The following PKHD1L1 variants were observed in gnomAD, a reference collection of about 807,000 sequenced individuals.
The protein encoded by PKHD1L1 is PKHD1 like 1.
A neutral mutation model predicts 462.9 loss-of-function variants in PKHD1L1; 434 were observed. That is an observed-to-expected ratio of 0.94 (90% CI 0.87 to 1.02). The LOEUF (loss-of-function observed/expected upper bound fraction) is 1.02. Among genes scored for constraint, PKHD1L1 ranks in the 50% least tolerant of loss-of-function variants. PKHD1L1 has a pLI of 0.00. For synonymous variants in PKHD1L1, 1,781 were observed against 1,750.0 expected (o/e 1.02, Z -0.44); for missense variants, 5,202 against 5,096.1 (o/e 1.02, Z -0.63).
At chr8:109,425,918 T>C (rs144390919) in intron 24 of PKHD1L1, among the ~76,000 whole-genome samples, 70 of 152,230 alleles carry the variant, frequency 4.6e-4, no homozygotes, top group Non-Finnish European at 5.2e-4. Flanking sequence ...CCTGGTTTTG[T>C]TTTCTTTCTA....
chr8:109,447,948 T>C (rs766936070), intron 38 of PKHD1L1, among the ~76,000 whole-genome samples, 195 bp from the exon 39 acceptor site: 14 of 152,320 alleles, frequency 9.2e-5, no homozygotes, highest in Non-Finnish European at 1.5e-4. Flanking sequence ...AAATCACTTA[T>C]AATTAATATA....
In PKHD1L1 at chr8:109,523,243, T is replaced by C. The variant is rs1483303527; in HGVS notation, c.12341T>C (p.Val4114Ala). The C allele has an allele frequency of 3.1e-6, 5 of 1,607,162 alleles. No individual in the cohort carries two copies. The highest frequency in any genetic ancestry group is 4.3e-6 in the Non-Finnish European group (5 of 1,175,180). Reference protein sequence around the residue: ...VKATDSDGNCVSVGITALTLR... With the variant: ...VKATDSDGNCASVGITALTLR... ...TTTTTTTTTTTTTAGGGTAACTGTG[T>C]ATCAGTTGGAATTACTGCACTAACT... Residue 4114 changes from valine to alanine, a missense_variant, in exon 76 of 78, where the codon GTA becomes GCA. Val to Ala is a moderately conservative substitution (Grantham distance 64). Coordinates refer to ENST00000378402, the MANE Select transcript of PKHD1L1 (RefSeq NM_177531.6).
At chr8:109,416,974 C>T (rs1814207092) in intron 21 of PKHD1L1, among the ~76,000 whole-genome samples, 1 of 152,156 alleles carries the variant, frequency 6.6e-6, no homozygotes, top group Admixed American at 6.5e-5. Flanking sequence ...GATTTTGGAA[C>T]ATTTTATTGA....
Position 109,362,626 on chromosome 8 carries a change from C to T in PKHD1L1, c.46C>T (p.Leu16Phe), listed in dbSNP as rs761774486. The T allele has an allele frequency of 1.6e-5, 25 of 1,608,174 alleles. No individual in the cohort carries two copies. The South Asian group carries it at 2.8e-4, about 18-fold the overall frequency. Residue 16 changes from leucine to phenylalanine, a missense_variant, in exon 1 of 78, where the codon CTC becomes TTC. Coordinates refer to ENST00000378402, the MANE Select transcript of PKHD1L1 (RefSeq NM_177531.6). ...GGGTATTTGGGGCCTCTGTGGGCTG[C>T]TCCTGTGTGCCGCGGATCCCAGCAC... ...LLGIWGLCGL[L>F]LCAADPSTDG...
rs761241562 is a variant in PKHD1L1 at position 109,464,521 on chromosome 8, G to A, written c.7689G>A (p.Trp2563Ter). Residue 2563 changes from tryptophan to a stop codon, truncating the protein, a stop_gained, in exon 49 of 78, where the codon TGG becomes TGA. Transcript: ENST00000378402. LOFTEE classifies it high-confidence loss of function. ...ATGATGTGACCCCGGCTGCATTTTGGGTCACCAACCCGAACAATACCATAC... is the reference window on the plus strand; with the variant it reads ...ATGATGTGACCCCGGCTGCATTTTGAGTCACCAACCCGAACAATACCATAC... ...LNDDVTPAAFWVTNPNNTIRH... is the reference protein window; with the variant it reads ...LNDDVTPAAF 1 of 1,613,642 alleles carries A rather than the reference G, an allele frequency of 6.2e-7. No individual in the cohort carries two copies. Among genetic ancestry groups the A allele is most frequent in the South Asian group, 1.1e-5 (1 of 91,080 alleles).
At position 109,452,701 on chromosome 8, in the gene PKHD1L1, C is replaced by T; in HGVS notation, c.6508-17C>T. On this transcript the variant is annotated splice_polypyrimidine_tract_variant and intron_variant, in intron 42 of 77. Coordinates refer to ENST00000378402, the MANE Select transcript of PKHD1L1 (RefSeq NM_177531.6). Reference sequence around the variant, plus strand: ...GTAAAATCCCTAAATTTTAAGGTCTCTTATGTTCTATTACAGGATAATGCT... The same window carrying T: ...GTAAAATCCCTAAATTTTAAGGTCTTTTATGTTCTATTACAGGATAATGCT... The T allele has an allele frequency of 6.9e-7, 1 of 1,456,822 alleles. No individual in the cohort carries two copies. The highest frequency in any genetic ancestry group is 9.0e-7 in the Non-Finnish European group (1 of 1,108,490). 90.2% of individuals were successfully genotyped at this position (1,456,822 alleles called of 1,614,324 possible).
At position 109,420,535 on chromosome 8, in the gene PKHD1L1, C is replaced by T. The variant is rs373757518; in HGVS notation, c.2542C>T (p.Leu848Phe). ...TTCTTTAGAAATGCCCAAGAGAAGA[C>T]TTCCTGCATTAGCAAATAAAGGAAT... ...STLDEMPKRR[L>F]PALANKGIFL... is the part of the protein sequence containing the mutation. Residue 848 changes from leucine (L) to phenylalanine (F), a missense_variant, in exon 23 of 78, where the codon CTT (leucine) becomes TTT (phenylalanine). Physicochemically the swap from Leu to Phe is conservative, Grantham distance 22 (BLOSUM62 0). Around this residue, in one of 3 missense-constraint regions of PKHD1L1, gnomAD observed 4,497 missense variants for 4,336.8 expected, o/e 1.04. Coordinates refer to ENST00000378402, the MANE Select transcript of PKHD1L1 (RefSeq NM_177531.6). 7 of 1,592,884 alleles carry T rather than the reference C, an allele frequency of 4.4e-6. No individual in the cohort carries two copies. The highest frequency in any genetic ancestry group is 4.3e-6 in the Non-Finnish European group (5 of 1,172,042).
chr8:109,435,167 C>T, intron 28 of PKHD1L1, 23 bp from the exon 29 acceptor site: 1 of 1,610,542 alleles, frequency 6.2e-7, no homozygotes, highest in Non-Finnish European at 8.5e-7. Context: ...CCATTTTCTT[C>T]ATCTTTTTCT....
At chr8:109,517,694 GT>G (rs144208443) in intron 72 of PKHD1L1, among the ~76,000 whole-genome samples, 7,294 of 152,116 alleles carry the variant, frequency 0.048, 424 homozygotes, top group African/African-American at 0.13. Context: ...TTATTACACA[GT>G]TTTGTCCTTA....
intron 45 of PKHD1L1, among the ~76,000 whole-genome samples, chr8:109,455,713 T>A (rs961737808): frequency 1.3e-5 from 2 of 152,170 alleles, no homozygotes; most frequent in Admixed American, 1.3e-4. Context: ...CAGGGCAACA[T>A]ACTATTTAAA....
At chr8:109,410,848 T>A (rs1189254620) in intron 19 of PKHD1L1, among the ~76,000 whole-genome samples, 2 of 150,398 alleles carry the variant, frequency 1.3e-5, no homozygotes, top group African/African-American at 4.9e-5. Flanking sequence ...CCTGCCTCAG[T>A]CTCCCGAGTA....
At chr8:109,386,267 C>T (rs80286998) in intron 6 of PKHD1L1, among the ~76,000 whole-genome samples, 3,910 of 152,254 alleles carry the variant, frequency 0.026, 165 homozygotes, top group African/African-American at 0.09. Flanking sequence ...CCTCCTGTAG[C>T]ATAGATGGTG....
At chr8:109,415,339 C>A (rs1055146881) in intron 21 of PKHD1L1, among the ~76,000 whole-genome samples, 3 of 152,070 alleles carry the variant, frequency 2.0e-5, no homozygotes, top group African/African-American at 7.2e-5. Flanking sequence ...TCAGCCAGTT[C>A]CCAATTCATA....
chr8:109,435,673 C>T (rs1372030947), intron 29 of PKHD1L1, among the ~76,000 whole-genome samples: 4 of 152,250 alleles, frequency 2.6e-5, no homozygotes, highest in South Asian at 2.1e-4. Context: ...CCAGCTGCTT[C>T]GTTTGTAACC....
intron 50 of PKHD1L1, among the ~76,000 whole-genome samples, chr8:109,473,472 T>C (rs890117868): frequency 3.7e-4 from 55 of 149,624 alleles, no homozygotes; most frequent in Non-Finnish European, 6.7e-4. Flanking sequence ...GCCGAGATCA[T>C]ACCACTGGAC....
chr8:109,362,482 G>T lies in PKHD1L1; in HGVS notation c.-99G>T, dbSNP rs1047560511. Reference sequence around the variant, plus strand: ...CCCAGTTCCCCAGCTCTCCCGGGACGAAGCGGGCCCGCCAGCGAGTCGCAG... The same window carrying T: ...CCCAGTTCCCCAGCTCTCCCGGGACTAAGCGGGCCCGCCAGCGAGTCGCAG... On this transcript the variant is annotated 5_prime_UTR_variant, in exon 1 of 78. Transcript: ENST00000378402. 4 of 1,235,902 alleles carry T rather than the reference G, an allele frequency of 3.2e-6. No individual in the cohort carries two copies. Among genetic ancestry groups the T allele is most frequent in the South Asian group, 1.3e-5 (1 of 76,086 alleles). 76.6% of individuals were successfully genotyped at this position (1,235,902 alleles called of 1,614,324 possible).
At position 109,452,842 on chromosome 8, in the gene PKHD1L1, G is replaced by A. The variant is rs1029056176; in HGVS notation, c.6632G>A (p.Ser2211Asn). 4 of 1,507,334 alleles carry A rather than the reference G, an allele frequency of 2.7e-6. No homozygotes were observed. Among genetic ancestry groups the A allele is most frequent in the Non-Finnish European group, 3.5e-6 (4 of 1,129,338 alleles). 93.4% of individuals were successfully genotyped at this position (1,507,334 alleles called of 1,614,324 possible). Residue 2211 changes from serine (S) to asparagine (N), a missense_variant, in exon 43 of 78, where the codon AGC (serine) becomes AAC (asparagine). Physicochemically the swap from Ser to Asn is conservative, Grantham distance 46 (BLOSUM62 1). Around this residue, in one of 3 missense-constraint regions of PKHD1L1, gnomAD observed 4,497 missense variants for 4,336.8 expected, o/e 1.04. Coordinates refer to ENST00000378402, the MANE Select transcript of PKHD1L1 (RefSeq NM_177531.6). ...GGACAGACCATTCTGCTGGATCAAA[G>A]CACCCCTATTTTGAAAATGTTGCTT... Reference protein sequence around the residue: ...TKGQTILLDQSTPILKMLLIQ... With the variant: ...TKGQTILLDQNTPILKMLLIQ...
At position 109,443,651 on chromosome 8, in the gene PKHD1L1, T is replaced by C. The variant is rs894778472; in HGVS notation, c.4565-25T>C. ...TCATTTTGGAATGTTATTCATGACT[T>C]AACGGGCAGTTCTTTTGTCTAAAGG... On this transcript the variant is annotated intron_variant, in intron 36 of 77. Transcript: ENST00000378402. 3 of 1,553,560 alleles carry C rather than the reference T, an allele frequency of 1.9e-6. No individual in the cohort carries two copies. In the African/African-American group the frequency reaches 4.1e-5, roughly 21 times the overall value.
chr8:109,364,102 C>T (rs917971034), intron 1 of PKHD1L1, among the ~76,000 whole-genome samples: 2 of 152,184 alleles, frequency 1.3e-5, no homozygotes, highest in Non-Finnish European at 2.9e-5. Flanking sequence ...CAACATTTCT[C>T]TTTGTACCTG....
Sources: allele counts gnomAD v4.1 joint callset (sites outside exome capture counted in the v4.1 genomes callset), GRCh38; gene constraint gnomAD v4.1.1; regional missense constraint gnomAD v4.1.1; transcripts MANE v1.5; gene names NCBI Gene and HGNC (gene_info 2026-07-23, HGNC 2026-07-21).